The following RRAS2 variants were observed in gnomAD, a reference collection of about 807,000 sequenced individuals.
RRAS2 encodes the protein ras-related protein R-Ras2.
A neutral mutation model predicts 27.6 loss-of-function variants in RRAS2; 7 were observed. That is an observed-to-expected ratio of 0.25 (90% CI 0.14 to 0.48). The LOEUF (loss-of-function observed/expected upper bound fraction) is 0.48. Ranked by LOEUF, RRAS2 falls within the 20% of genes least tolerant of loss-of-function variation. The pLI is 0.99. For synonymous variants in RRAS2, 86 were observed against 90.9 expected, an observed-to-expected ratio of 0.95 and a Z score of 0.31; for missense variants, 178 against 256.2, an observed-to-expected ratio of 0.69 and a Z score of 2.08.
At chr11:14,355,008 C>T (rs1849042772) in intron 1 of RRAS2, among the ~76,000 whole-genome samples, 1 of 152,056 alleles carries the variant, frequency 6.6e-6, no homozygotes, top group South Asian at 2.1e-4. Flanking sequence ...CTGTAGATGG[C>T]ACGGTGCTGG....
intron 1 of RRAS2, among the ~76,000 whole-genome samples, chr11:14,348,247 A>T (rs1483001262): frequency 6.6e-6 from 1 of 152,208 alleles, no homozygotes; most frequent in Non-Finnish European, 1.5e-5. Context: ...AAAGATGTTG[A>T]CTTTCATCAC....
chr11:14,280,805 CCAGATCTA>C (rs1554944211), intron 5 of RRAS2, among the ~76,000 whole-genome samples: 1 of 147,462 alleles, frequency 6.8e-6, no homozygotes, highest in Non-Finnish European at 1.5e-5. Context: ...GCAGAGAATC[CCAGATCTA>C]CAGAGCAGAG....
At chr11:14,359,279 C>A (rs933061238), upstream of RRAS2, 86 of 602,226 alleles carry the variant, frequency 1.4e-4, no homozygotes, top group Non-Finnish European at 1.8e-4. Flanking sequence ...GGAGGTAACC[C>A]GGGCTTCAGA....
In RRAS2 at chr11:14,354,783, T is replaced by C. The variant is rs781993819; in HGVS notation, c.108+3980A>G. Among the ~76,000 whole-genome samples, 69 of 151,462 alleles carry C rather than the reference T, an allele frequency of 4.6e-4. 1 individual carries two copies. Among genetic ancestry groups the C allele is most frequent in the Admixed American group, 1.1e-3 (17 of 15,200 alleles). ...CCTCCACCTCCCAGGTTCAAGTGAT[T>C]CTCTTGACTCAGCCTCCCGAGTAAC... On this transcript the variant is annotated intron_variant, in intron 1 of 5. Transcript: ENST00000256196.
rs1554955853 is a variant in RRAS2 at position 14,358,816 on chromosome 11, C to T, written c.55G>A (p.Val19Met). ...GSGQEKYRLV[V>M]VGGGGVGKSA... is the part of the protein sequence containing the mutation. ...TTGCCCACGCCGCCCCCGCCGACCA[C>T]CACGAGCCGGTACTTCTCCTGGCCG... Residue 19 changes from valine (V) to methionine (M), a missense_variant, in exon 1 of 6, where the codon GTG becomes ATG. By Grantham distance (21) the Val-to-Met change is conservative (BLOSUM62 1). Transcript: ENST00000256196. The surrounding 1 kb of genome is among the most constrained non-coding windows in gnomAD (Gnocchi z 5.1). 6.7e-7 allele frequency: 1 copy of T among 1,493,800 alleles called. No individual in the cohort carries two copies. The highest frequency in any genetic ancestry group is 1.9e-5 in the Admixed American group (1 of 52,472). The allele number at this position is 1,493,800 out of a possible 1,614,324, so 92.5% of individuals were successfully genotyped here. A position where few individuals can be genotyped will look rare whatever the true frequency, so the allele number is the denominator to read the frequency against.
At chr11:14,302,789 T>G (rs1453261354) in intron 1 of RRAS2, among the ~76,000 whole-genome samples, 2 of 152,116 alleles carry the variant, frequency 1.3e-5, no homozygotes, top group Non-Finnish European at 2.9e-5. Context: ...ACTGTATCTC[T>G]GGTGTGTGGG....
intron 4 of RRAS2, among the ~76,000 whole-genome samples, chr11:14,289,708 AATGG>A (rs1363176195): frequency 1.3e-5 from 2 of 152,198 alleles, no homozygotes; most frequent in Non-Finnish European, 2.9e-5. Flanking sequence ...ATACTGGATG[AATGG>A]ATGGAAGGAT....
Position 14,358,309 on chromosome 11 carries a change from G to A in RRAS2, c.108+454C>T. ...GCGCGGGGAAGCCCGGAGACCACGC[G>A]GAGCCGCGGCCAAGTTGCCACCGCT... On this transcript the variant is annotated intron_variant, in intron 1 of 5. Transcript: ENST00000256196. This position sits in a 1 kb window ranked among gnomAD's most constrained non-coding sequence, Gnocchi z 5.1. 1.0e-6 allele frequency: 1 copy of A among 985,500 alleles called. No homozygotes were observed. The highest frequency in any genetic ancestry group is 1.2e-6 in the Non-Finnish European group (1 of 829,982). The allele number at this position is 985,500 out of a possible 1,614,324, so 61.0% of individuals were successfully genotyped here. A position where few individuals can be genotyped will look rare whatever the true frequency, so the allele number is the denominator to read the frequency against.
chr11:14,326,511 T>C (rs906802531), intron 1 of RRAS2, among the ~76,000 whole-genome samples: 1 of 152,218 alleles, frequency 6.6e-6, no homozygotes, highest in East Asian at 1.9e-4. Context: ...ATTGTAAATA[T>C]ACAAACATAA....
rs548365578 is a variant in RRAS2, at chr11:14,344,403, C to A, written c.108+14360G>T. ...AAATGTATGCCTCTGTGTACCTGCA[C>A]ACAAGCCTACTTGCATGGGGCAAAT... On this transcript the variant is annotated intron_variant, in intron 1 of 5. Transcript: ENST00000256196. 2.0e-5 allele frequency among the ~76,000 whole-genome samples: 3 copies of A among 152,296 alleles called. No homozygotes were observed. In the South Asian group the frequency reaches 6.2e-4, roughly 32 times the overall value.
chr11:14,312,155 G>A (rs2133984749), intron 1 of RRAS2, among the ~76,000 whole-genome samples: 1 of 152,288 alleles, frequency 6.6e-6, no homozygotes, highest in African/African-American at 2.4e-5. Flanking sequence ...GTGAGCCACT[G>A]TGCCCGGCCT....
intron 1 of RRAS2, among the ~76,000 whole-genome samples, chr11:14,308,515 G>C (rs1281331188): frequency 2.6e-5 from 4 of 152,128 alleles, no homozygotes; most frequent in African/African-American, 9.7e-5. Flanking sequence ...GACACGTTTA[G>C]CTCCTACAAT....
upstream of RRAS2, among the ~76,000 whole-genome samples, chr11:14,360,210 A>G (rs1037825912): frequency 2.6e-5 from 4 of 151,550 alleles, no homozygotes; most frequent in Non-Finnish European, 5.9e-5. Flanking sequence ...AAAAAAAAAA[A>G]AAGTCCCACT....
intron 1 of RRAS2, among the ~76,000 whole-genome samples, chr11:14,304,118 T>C (rs1847776926): frequency 6.6e-6 from 1 of 152,228 alleles, no homozygotes; most frequent in South Asian, 2.1e-4. Flanking sequence ...GCCCTCTCTG[T>C]GCTCTGCTGC....
At chr11:14,312,803 C>T (rs1475624343) in intron 1 of RRAS2, among the ~76,000 whole-genome samples, 2 of 152,188 alleles carry the variant, frequency 1.3e-5, no homozygotes, top group African/African-American at 4.8e-5. Context: ...AATCTCACAC[C>T]TGTATCACTG....
At chr11:14,308,630 T>A (rs1353379121) in intron 1 of RRAS2, among the ~76,000 whole-genome samples, 2 of 152,254 alleles carry the variant, frequency 1.3e-5, no homozygotes, top group African/African-American at 4.8e-5. Flanking sequence ...CTTGAAGCCC[T>A]ACCTCTGCTA....
At position 14,288,996 on chromosome 11, in the gene RRAS2, C is replaced by T. The variant is rs961087326; in HGVS notation, c.408+5475G>A. Among the ~76,000 whole-genome samples, 10 of 152,260 alleles carry T rather than the reference C, an allele frequency of 6.6e-5. No individual in the cohort carries two copies. The South Asian group carries it at 2.1e-3, about 32-fold the overall frequency. ...CTGTTCTATATGCTAACGATAAAGC[C>T]TGAACAAAATTGACCTGTCAAAACC... On this transcript the variant is annotated intron_variant, in intron 4 of 5. Transcript: ENST00000256196.
intron 1 of RRAS2, among the ~76,000 whole-genome samples, chr11:14,297,585 G>A (rs1346241830): frequency 1.3e-5 from 2 of 151,974 alleles, no homozygotes; most frequent in African/African-American, 4.8e-5. Flanking sequence ...AACAAGGTGA[G>A]ACCGCATCTC....
chr11:14,338,418 G>A (rs1848630963), intron 1 of RRAS2, among the ~76,000 whole-genome samples: 1 of 152,124 alleles, frequency 6.6e-6, no homozygotes, highest in South Asian at 2.1e-4. Context: ...TGGGGGATGG[G>A]ACCCAAGTCT....
Sources: allele counts gnomAD v4.1 joint callset (sites outside exome capture counted in the v4.1 genomes callset), GRCh38; gene constraint gnomAD v4.1.1; non-coding constraint Gnocchi (gnomAD v3.1); transcripts MANE v1.5; gene names NCBI Gene and HGNC (gene_info 2026-07-23, HGNC 2026-07-21).